The following CDKL2 variants were observed in gnomAD, a reference collection of about 807,000 sequenced individuals.
CDKL2 encodes the protein cyclin-dependent kinase-like 2.
Under a neutral mutation model 63.9 loss-of-function variants are expected in CDKL2, and 64 were observed. The observed-to-expected ratio is 1.00, with a 90% confidence interval of 0.82 to 1.23. The LOEUF is 1.23. Among genes scored for constraint, CDKL2 ranks in the 50% most tolerant of loss-of-function variants. The probability of loss-of-function intolerance (pLI) is 0.00; values close to 1 mark genes in which losing one functional copy is unlikely to be tolerated. For synonymous variants in CDKL2, 211 were observed against 229.2 expected, an observed-to-expected ratio of 0.92 and a Z score of 0.72; for missense variants, 656 against 668.0, an observed-to-expected ratio of 0.98 and a Z score of 0.20.
At chr4:75,580,452 G>A (rs975391741) in intron 13 of CDKL2, among the ~76,000 whole-genome samples, 4 of 151,806 alleles carry the variant, frequency 2.6e-5, no homozygotes, top group Non-Finnish European at 5.9e-5. Flanking sequence ...GATCATTTGA[G>A]CTCAGGAGTT....
chr4:75,592,141 C>A lies in CDKL2; in HGVS notation c.1540+5G>T. 6.6e-7 allele frequency: 1 copy of A among 1,523,836 alleles called. No homozygotes were observed. Among genetic ancestry groups the A allele is most frequent in the Non-Finnish European group, 8.7e-7 (1 of 1,143,650 alleles). 94.4% of individuals were successfully genotyped at this position (1,523,836 alleles called of 1,614,324 possible). On this transcript the variant is annotated splice_donor_5th_base_variant and intron_variant, in intron 11 of 13. Coordinates refer to ENST00000307465, the MANE Select transcript of CDKL2 (RefSeq NM_001330724.2). ...CTACACAAAGTAAAAGCATTATCAA[C>A]ACACCTATGCCTCCCAGTGCTCTTA...
At chr4:75,607,114 C>G in intron 4 of CDKL2, 69 bp downstream of exon 4, 1 of 1,258,890 alleles carries the variant, frequency 7.9e-7, no homozygotes, top group Non-Finnish European at 1.1e-6. Flanking sequence ...TTTACTATAT[C>G]ATAAACATAT....
chr4:75,602,490 A>AGGG (rs1729240218), intron 6 of CDKL2, among the ~76,000 whole-genome samples: 1 of 148,768 alleles, frequency 6.7e-6, no homozygotes, highest in Non-Finnish European at 1.5e-5. Context: ...CCTATGCCCT[A>AGGG]CATTTTAATA....
At chr4:75,614,150 T>C (rs1729823852) in intron 3 of CDKL2, 105 bp downstream of exon 3, 2 of 693,056 alleles carry the variant, frequency 2.9e-6, no homozygotes, top group Admixed American at 6.0e-5. Flanking sequence ...TGTTAAAGTA[T>C]ACTGATGTCT....
chr4:75,600,616 C>T (rs1247523438), intron 6 of CDKL2, among the ~76,000 whole-genome samples: 1 of 152,072 alleles, frequency 6.6e-6, no homozygotes, highest in East Asian at 1.9e-4. Context: ...CACACCACCA[C>T]ACCCAGCTAA....
At chr4:75,608,489 C>G (rs1729531303) in intron 3 of CDKL2, among the ~76,000 whole-genome samples, 1 of 151,962 alleles carries the variant, frequency 6.6e-6, no homozygotes. Context: ...AGCTGACATA[C>G]TAGGAAGTGT....
intron 5 of CDKL2, among the ~76,000 whole-genome samples, chr4:75,604,954 T>A (rs1187808826): frequency 6.6e-6 from 1 of 151,712 alleles, no homozygotes; most frequent in Non-Finnish European, 1.5e-5. Flanking sequence ...TGAGCCAAGA[T>A]TGCCACTGCA....
chr4:75,613,073 C>A (rs1398726514), intron 3 of CDKL2, among the ~76,000 whole-genome samples: 1 of 151,028 alleles, frequency 6.6e-6, no homozygotes, highest in African/African-American at 2.4e-5. Flanking sequence ...TGCCGTGAGC[C>A]GAGATCGCGC....
intron 10 of CDKL2, among the ~76,000 whole-genome samples, chr4:75,592,757 C>G (rs1303474172): frequency 6.6e-6 from 1 of 152,140 alleles, no homozygotes; most frequent in Non-Finnish European, 1.5e-5. Flanking sequence ...ATGTCCTTGT[C>G]TTGCTCCTCA....
Position 75,592,216 on chromosome 4 carries a change from G to A in CDKL2, c.1470C>T (p.Ser490=). 2 of 1,534,634 alleles carry A rather than the reference G, an allele frequency of 1.3e-6. No individual in the cohort carries two copies. The highest frequency in any genetic ancestry group is 2.4e-5 in the East Asian group (1 of 40,862). The change falls in exon 11 of 14, where the codon TCC becomes TCT. Residue 490 remains serine (S), a synonymous_variant. Transcript: ENST00000307465. The part of the protein sequence containing the change: ...FWASKKRREY[S]RTDVRLPELN... ...GTTCAGGCAAACGGACATCTGTCCT[G>A]GAGTATTCTCTTCTTTTCTTACTTG...
Position 75,592,267 on chromosome 4 carries a change from G to A in CDKL2, c.1419C>T (p.Val473=). ...CCCAAAAGAGGTTTTTTTCACTAGA[G>A]ACCTAATATCATCAACATAGTCAAC... ...GIYNINVTTL[V]SSEKNLFWAS... The change falls in exon 11 of 14, where the codon GTC becomes GTT. Residue 473 remains valine, a splice_region_variant and synonymous_variant. Transcript: ENST00000307465. 6.6e-7 allele frequency: 1 copy of A among 1,526,134 alleles called. No homozygotes were observed. Among genetic ancestry groups the A allele is most frequent in the Non-Finnish European group, 8.7e-7 (1 of 1,144,254 alleles). 94.5% of individuals were successfully genotyped at this position (1,526,134 alleles called of 1,614,324 possible).
chr4:75,624,284 G>T (rs1730300226), intron 2 of CDKL2, among the ~76,000 whole-genome samples: 1 of 152,226 alleles, frequency 6.6e-6, no homozygotes, highest in South Asian at 2.1e-4. Context: ...AGGTGTGGTG[G>T]CTCACACCTA....
chr4:75,617,215 A>G (rs1052873516), intron 2 of CDKL2, among the ~76,000 whole-genome samples: 4 of 152,146 alleles, frequency 2.6e-5, no homozygotes, highest in Non-Finnish European at 4.4e-5. Flanking sequence ...AAAAAAACAC[A>G]AACTTCTACC....
intron 1 of CDKL2, 104 bp downstream of exon 1, chr4:75,629,938 C>CAAAAAAAAAA (rs747587721): frequency 1.3e-4 from 10 of 74,202 alleles, no homozygotes; most frequent in Non-Finnish European, 1.5e-4. Context: ...AACTCCGTCT[C>CAAAAAAAAAA]AAAAAAAAAA....
At chr4:75,603,031 C>G in intron 6 of CDKL2, among the ~76,000 whole-genome samples, 1 of 118,586 alleles carries the variant, frequency 8.4e-6, no homozygotes, top group Non-Finnish European at 1.6e-5. Context: ...CTCGCTCTGT[C>G]GCCCAGGCCG....
chr4:75,606,363 T>C (rs917206708), intron 4 of CDKL2, among the ~76,000 whole-genome samples: 1 of 152,036 alleles, frequency 6.6e-6, no homozygotes, highest in Non-Finnish European at 1.5e-5. Flanking sequence ...TACAGGTGCA[T>C]GCCACCATGC....
intron 3 of CDKL2, among the ~76,000 whole-genome samples, chr4:75,611,178 G>C (rs1048864786): frequency 1.3e-5 from 2 of 152,106 alleles, no homozygotes; most frequent in African/African-American, 4.8e-5. Context: ...GTAAATGGAG[G>C]CTGGGCACAG....
At position 75,577,854 on chromosome 4, in the gene CDKL2, C is replaced by G. The variant is rs994683269; in HGVS notation, c.*1348G>C. Reference sequence around the variant, plus strand: ...TTTGCCTCCTCTTGAATGTCCTACTCTTTTGAGGCTTAAATATCCAAGGTC... The same window carrying G: ...TTTGCCTCCTCTTGAATGTCCTACTGTTTTGAGGCTTAAATATCCAAGGTC... On this transcript the variant is annotated 3_prime_UTR_variant, in exon 14 of 14. Transcript: ENST00000307465. 2.0e-5 allele frequency among the ~76,000 whole-genome samples: 3 copies of G among 152,146 alleles called. No individual in the cohort carries two copies. Among genetic ancestry groups the G allele is most frequent in the African/African-American group, 7.2e-5 (3 of 41,444 alleles).
intron 13 of CDKL2, among the ~76,000 whole-genome samples, chr4:75,581,425 C>T (rs1303369906): frequency 6.6e-6 from 1 of 152,156 alleles, no homozygotes; most frequent in Admixed American, 6.5e-5. Flanking sequence ...GTGAAATCAC[C>T]TAAGGATGCA....
Sources: gnomAD v4.1 joint callset for allele counts (sites outside exome capture counted in the v4.1 genomes callset) on GRCh38, gnomAD v4.1.1 for gene constraint, MANE v1.5 for transcripts, NCBI Gene and HGNC (gene_info 2026-07-23, HGNC 2026-07-21) for gene names.